The following DMXL2 variants were observed in gnomAD, a reference collection of about 807,000 sequenced individuals.
DMXL2 encodes Dmx like 2.
DMXL2 carries 103 observed loss-of-function variants against 331.1 expected under a neutral mutation model. The ratio of observed to expected loss-of-function variants is 0.31; its 90% confidence interval spans 0.27 to 0.37. DMXL2 has a LOEUF of 0.37. DMXL2 is among the 10% of genes least tolerant of loss of function. The probability of loss-of-function intolerance (pLI) is 1.00; values close to 1 mark genes in which losing one functional copy is unlikely to be tolerated. For synonymous variants in DMXL2, 1,281 were observed against 1,252.1 expected (o/e 1.02, Z -0.49); for missense variants, 3,171 against 3,642.9 (o/e 0.87, Z 3.33).
intron 29 of DMXL2, among the ~76,000 whole-genome samples, chr15:51,469,832 A>G (rs780160653): frequency 6.6e-5 from 10 of 152,214 alleles, no homozygotes; most frequent in Non-Finnish European, 1.2e-4. Context: ...AATACAACTA[A>G]GTGCAACTCA....
chr15:51,454,583 G>A (rs568508750), intron 40 of DMXL2, among the ~76,000 whole-genome samples: 4 of 151,912 alleles, frequency 2.6e-5, no homozygotes, highest in Admixed American at 2.0e-4. Context: ...TGCAACCTCC[G>A]CCTCCTGGGT....
At chr15:51,473,110 C>A (rs920004518) in intron 28 of DMXL2, among the ~76,000 whole-genome samples, 3 of 152,172 alleles carry the variant, frequency 2.0e-5, no homozygotes, top group African/African-American at 7.2e-5. Flanking sequence ...CTCAGATATC[C>A]ACATGGTGTG....
rs759524189 is a variant in DMXL2, at chr15:51,465,615, T to C, written c.7557A>G (p.Ala2519=). ...ALLHLTMVKL[A]LHNVKNFFPI... is the part of the protein sequence containing the mutation. Reference sequence around the variant, plus strand: ...GAAAGAAATTCTTGACATTGTGAAGTGCTAGTTTAACCATTGTCAAATGTA... The same window carrying C: ...GAAAGAAATTCTTGACATTGTGAAGCGCTAGTTTAACCATTGTCAAATGTA... Residue 2519 remains alanine, a synonymous_variant, in exon 31 of 44, where the codon GCA becomes GCG. Transcript: ENST00000560891. 12 of 1,607,800 alleles carry C rather than the reference T, an allele frequency of 7.5e-6. No individual in the cohort carries two copies. Among genetic ancestry groups the C allele is most frequent in the Admixed American group, 6.8e-5 (4 of 58,584 alleles).
At chr15:51,450,502 T>A in intron 42 of DMXL2, 156 bp from the exon 43 acceptor site, 3 of 724,964 alleles carry the variant, frequency 4.1e-6, no homozygotes, top group South Asian at 1.9e-5. Context: ...TGTAATCACA[T>A]GATTAAAGAA....
At chr15:51,574,772 A>T (rs973863686) in intron 2 of DMXL2, among the ~76,000 whole-genome samples, 3 of 152,248 alleles carry the variant, frequency 2.0e-5, no homozygotes, top group Non-Finnish European at 4.4e-5. Context: ...TAGAAACACA[A>T]GTTGCTCTGT....
chr15:51,482,528 G>A (rs1216622560), intron 23 of DMXL2, among the ~76,000 whole-genome samples: 4 of 152,232 alleles, frequency 2.6e-5, no homozygotes, highest in South Asian at 4.2e-4. Flanking sequence ...CAATAGTCTA[G>A]AAATTATGAC....
chr15:51,504,577 T>C (rs1464900651), intron 16 of DMXL2, among the ~76,000 whole-genome samples: 1 of 152,236 alleles, frequency 6.6e-6, no homozygotes, highest in Non-Finnish European at 1.5e-5. Context: ...GTGTTGTTAT[T>C]GCCTTGTACA....
At chr15:51,467,789 C>T (rs534181361) in intron 29 of DMXL2, among the ~76,000 whole-genome samples, 7 of 151,066 alleles carry the variant, frequency 4.6e-5, no homozygotes, top group African/African-American at 1.2e-4. Flanking sequence ...CGCAGTGGCA[C>T]GATCTTGGCT....
At chr15:51,575,934 T>C (rs2050996359) in intron 2 of DMXL2, 122 bp downstream of exon 2, 1 of 1,000,224 alleles carries the variant, frequency 1.0e-6, no homozygotes, top group Non-Finnish European at 1.5e-6. Context: ...CAACTTCTGC[T>C]AATAATCACC....
chr15:51,516,625 G>T (rs1394793984), intron 14 of DMXL2, among the ~76,000 whole-genome samples: 68 of 152,194 alleles, frequency 4.5e-4, no homozygotes, highest in Admixed American at 4.2e-3. Flanking sequence ...AACTGGAGAA[G>T]AATAATTCCT....
intron 23 of DMXL2, among the ~76,000 whole-genome samples, chr15:51,482,032 G>A (rs950128543): frequency 1.3e-5 from 2 of 152,114 alleles, no homozygotes; most frequent in Non-Finnish European, 1.5e-5. Context: ...GGGAAAAAAA[G>A]AGCTAGATTT....
At chr15:51,605,576 G>A (rs1236117951) in intron 1 of DMXL2, among the ~76,000 whole-genome samples, 5 of 73,252 alleles carry the variant, frequency 6.8e-5, no homozygotes, top group Non-Finnish European at 1.1e-4. Context: ...TCGCTCTGTC[G>A]CCCAGGCCGG....
At chr15:51,593,250 G>A (rs935541612) in intron 1 of DMXL2, among the ~76,000 whole-genome samples, 1 of 152,064 alleles carries the variant, frequency 6.6e-6, no homozygotes, top group Non-Finnish European at 1.5e-5. Flanking sequence ...ACAAAAAAAG[G>A]CAGGGGTTGC....
At chr15:51,478,102 A>G (rs1567003347) in intron 26 of DMXL2, among the ~76,000 whole-genome samples, 169 bp downstream of exon 26, 1 of 152,118 alleles carries the variant, frequency 6.6e-6, no homozygotes, top group Non-Finnish European at 1.5e-5. Context: ...CTACTAGGTG[A>G]CAACTAAACA....
At chr15:51,465,227 C>T (rs755304184) in intron 31 of DMXL2, among the ~76,000 whole-genome samples, 2 of 152,034 alleles carry the variant, frequency 1.3e-5, no homozygotes, top group Non-Finnish European at 2.9e-5. Context: ...GTAACTTTGT[C>T]TCTTACAAAA....
intron 15 of DMXL2, among the ~76,000 whole-genome samples, chr15:51,509,018 A>C (rs1399370669): frequency 6.6e-6 from 1 of 152,196 alleles, no homozygotes; most frequent in Non-Finnish European, 1.5e-5. Context: ...TATGACTAAA[A>C]GTGAGATATC....
At chr15:51,487,121 C>T (rs1416724363) in intron 22 of DMXL2, among the ~76,000 whole-genome samples, 1 of 152,164 alleles carries the variant, frequency 6.6e-6, no homozygotes, top group African/African-American at 2.4e-5. Flanking sequence ...TAAACACAAA[C>T]ATTTGTAATT....
chr15:51,551,225 C>G (rs1294550230), intron 6 of DMXL2, among the ~76,000 whole-genome samples: 3 of 151,908 alleles, frequency 2.0e-5, no homozygotes, highest in Non-Finnish European at 4.4e-5. Flanking sequence ...TTTTTCAATC[C>G]AAGACACATT....
chr15:51,537,397 A>G (rs2048345641), intron 11 of DMXL2, 91 bp downstream of exon 11: 3 of 1,369,076 alleles, frequency 2.2e-6, no homozygotes, highest in South Asian at 3.1e-5. Flanking sequence ...CAAAATTTTC[A>G]GTAATTCTAA....
Sources: gnomAD v4.1 joint callset for allele counts (sites outside exome capture counted in the v4.1 genomes callset) on GRCh38, gnomAD v4.1.1 for gene constraint, MANE v1.5 for transcripts, NCBI Gene and HGNC (gene_info 2026-07-23, HGNC 2026-07-21) for gene names.